Variants in TENM2 observed in about 807,000 individuals in gnomAD.
TENM2 encodes teneurin-2.
Under a neutral mutation model 245.2 loss-of-function variants are expected in TENM2, and 52 were observed. That is an observed-to-expected ratio of 0.21 (90% CI 0.17 to 0.27). TENM2 has a LOEUF of 0.27. Among genes scored for constraint, TENM2 ranks in the 10% least tolerant of loss-of-function variants. The pLI, the probability that TENM2 is intolerant of heterozygous loss-of-function variation, is 1.00. For synonymous variants in TENM2, 1,363 were observed against 1,438.9 expected (o/e 0.95, Z 1.19); for missense variants, 3,046 against 3,666.8 (o/e 0.83, Z 4.37).
intron 2 of TENM2, chr5:167,573,826 C>T (rs2041348087): frequency 6.8e-6 from 1 of 146,730 alleles, no homozygotes; most frequent in Non-Finnish European, 1.5e-5. Flanking sequence ...GCAGGAGGGA[C>T]TTAAAAGGGA....
intron 3 of TENM2, among the ~76,000 whole-genome samples, chr5:167,901,986 G>A (rs1370837249): frequency 1.3e-5 from 2 of 152,180 alleles, no homozygotes; most frequent in Admixed American, 6.5e-5. Flanking sequence ...GTGTATGAGC[G>A]AGTCTGTTTT....
At chr5:167,608,546 A>G (rs949941615) in intron 2 of TENM2, among the ~76,000 whole-genome samples, 1 of 152,218 alleles carries the variant, frequency 6.6e-6, no homozygotes, top group Non-Finnish European at 1.5e-5. Context: ...CGTTCACATT[A>G]AATCGGGGGG....
At chr5:168,157,919 G>A (rs545041251) in intron 12 of TENM2, among the ~76,000 whole-genome samples, 8 of 151,834 alleles carry the variant, frequency 5.3e-5, no homozygotes, top group Non-Finnish European at 1.0e-4. Context: ...GTTGTTGTTG[G>A]TGTTGTTGTT....
At chr5:167,659,085 G>A (rs1482515450) in intron 2 of TENM2, among the ~76,000 whole-genome samples, 1 of 152,174 alleles carries the variant, frequency 6.6e-6, no homozygotes, top group Non-Finnish European at 1.5e-5. Context: ...CCCACAGAAT[G>A]TATTTCCAAC....
chr5:167,324,418 A>G (rs192236197), intron 1 of TENM2, among the ~76,000 whole-genome samples: 26 of 152,356 alleles, frequency 1.7e-4, no homozygotes, highest in Admixed American at 1.6e-3. Flanking sequence ...TCTCCTTTCA[A>G]AGATGGATAG....
In TENM2 at chr5:167,615,056, T is replaced by C. The variant is rs576446239; in HGVS notation, c.502+239583T>C. On this transcript the variant is annotated intron_variant, in intron 2 of 28. Coordinates refer to ENST00000518659, the Ensembl canonical transcript of TENM2. ...AACGAGGACTCTAAGGGTGAAATTA[T>C]AATTTATGAGAACTGCATGGAGCTC... Among the ~76,000 whole-genome samples, 16 of 152,304 alleles carry C rather than the reference T, an allele frequency of 1.1e-4. No homozygotes were observed. In the South Asian group the frequency reaches 2.3e-3, roughly 22 times the overall value.
the TENM2 span, among the ~76,000 whole-genome samples, chr5:167,197,523 A>T: frequency 5.3e-5 from 8 of 152,226 alleles, no homozygotes; most frequent in Non-Finnish European, 7.4e-5. Context: ...AGAACTCAGT[A>T]TATTGATTAT....
intron 4 of TENM2, among the ~76,000 whole-genome samples, chr5:167,964,591 C>G (rs1408213196): frequency 6.6e-6 from 1 of 152,152 alleles, no homozygotes; most frequent in African/African-American, 2.4e-5. Context: ...GCAGACAGAA[C>G]ATAAACAAAT....
chr5:167,159,456 C>T, the TENM2 span, among the ~76,000 whole-genome samples: 10 of 151,950 alleles, frequency 6.6e-5, no homozygotes, highest in East Asian at 3.9e-4. Flanking sequence ...TCCTGAAAAA[C>T]GCAAGGAGAG....
the TENM2 span, among the ~76,000 whole-genome samples, chr5:167,090,554 C>T: frequency 1.3e-5 from 2 of 152,108 alleles, no homozygotes; most frequent in Admixed American, 6.5e-5. Context: ...TTGTGTGATT[C>T]GCTATGTAAC....
chr5:167,221,424 A>G, the TENM2 span, among the ~76,000 whole-genome samples: 32,650 of 152,116 alleles, frequency 0.21, 4,215 homozygotes, highest in African/African-American at 0.36. Flanking sequence ...GAGCCAATAC[A>G]ATACTCATGT....
chr5:168,163,313 A>G (rs1461095027), intron 13 of TENM2, among the ~76,000 whole-genome samples: 3 of 152,246 alleles, frequency 2.0e-5, no homozygotes, highest in African/African-American at 7.2e-5. Context: ...ACTATGGTCC[A>G]TGGACCAAAC....
At chr5:168,038,103 T>C (rs113249465) in intron 5 of TENM2, among the ~76,000 whole-genome samples, 374 of 152,282 alleles carry the variant, frequency 2.5e-3, no homozygotes, top group African/African-American at 8.5e-3. Flanking sequence ...CAGGTTCAAA[T>C]CCCACCTCTA....
At chr5:167,200,833 CA>C in the TENM2 span, among the ~76,000 whole-genome samples, 1 of 152,230 alleles carries the variant, frequency 6.6e-6, no homozygotes, top group African/African-American at 2.4e-5. Context: ...AAGAATATCT[CA>C]TTTGTTTGAT....
In TENM2 at chr5:167,543,796, G is replaced by A. The variant is rs180892673; in HGVS notation, c.502+168323G>A. Among the ~76,000 whole-genome samples the A allele has an allele frequency of 2.1e-4, 32 of 152,186 alleles. 1 individual carries two copies. Among genetic ancestry groups the A allele is most frequent in the South Asian group, 1.9e-3 (9 of 4,818 alleles). On this transcript the variant is annotated intron_variant, in intron 2 of 28. Coordinates refer to ENST00000518659, the Ensembl canonical transcript of TENM2. ...CTTGGTGTTTTTCTGGCTTGCAGTCGCAGCATTCCAAGCTGTAGCTCTTGT... is the reference window on the plus strand; with the variant it reads ...CTTGGTGTTTTTCTGGCTTGCAGTCACAGCATTCCAAGCTGTAGCTCTTGT...
At chr5:167,340,447 T>G (rs1009107958) in intron 1 of TENM2, among the ~76,000 whole-genome samples, 1 of 152,200 alleles carries the variant, frequency 6.6e-6, no homozygotes, top group Non-Finnish European at 1.5e-5. Context: ...TGAGTTCTGG[T>G]AAGATCTCTC....
At chr5:167,912,237 GA>G (rs1168188709) in intron 3 of TENM2, among the ~76,000 whole-genome samples, 30 of 152,050 alleles carry the variant, frequency 2.0e-4, no homozygotes, top group Non-Finnish European at 3.4e-4. Context: ...GTGTAATTGA[GA>G]GGGGTGGTAT....
chr5:167,165,615 A>T, the TENM2 span, among the ~76,000 whole-genome samples: 1 of 152,192 alleles, frequency 6.6e-6, no homozygotes, highest in African/African-American at 2.4e-5. Context: ...ACACAAAAAA[A>T]ATCTTATTCT....
chr5:167,672,704 G>C (rs568515820), intron 2 of TENM2, among the ~76,000 whole-genome samples: 54 of 152,174 alleles, frequency 3.5e-4, no homozygotes, highest in African/African-American at 1.3e-3. Flanking sequence ...ATTCCTAAAT[G>C]AAAGTTTACT....
Sources: gnomAD v4.1 joint callset for allele counts (sites outside exome capture counted in the v4.1 genomes callset) on GRCh38, gnomAD v4.1.1 for gene constraint, MANE v1.5 for transcripts, NCBI Gene and HGNC (gene_info 2026-07-23, HGNC 2026-07-21) for gene names.